The following SLIT3 variants were observed in gnomAD, a reference collection of about 807,000 sequenced individuals.
SLIT3 encodes slit guidance ligand 3.
A neutral mutation model predicts 184.0 loss-of-function variants in SLIT3; 68 were observed. The ratio of observed to expected loss-of-function variants is 0.37; its 90% CI spans 0.30 to 0.45. The LOEUF is 0.45. Ranked by LOEUF, SLIT3 falls within the 20% of genes least tolerant of loss-of-function variation. The pLI is 1.00. For synonymous variants in SLIT3, 831 were observed against 828.6 expected (o/e 1.00, Z -0.05); for missense variants, 1,707 against 2,026.0 (o/e 0.84, Z 3.02).
intron 29 of SLIT3, among the ~76,000 whole-genome samples, chr5:168,692,393 T>C (rs565331202): frequency 1.2e-3 from 186 of 152,282 alleles, no homozygotes; most frequent in South Asian, 2.1e-3. Context: ...TACCTACCTG[T>C]CTATCTACAG....
At chr5:169,098,502 T>C (rs1469631785) in intron 4 of SLIT3, among the ~76,000 whole-genome samples, 3 of 152,190 alleles carry the variant, frequency 2.0e-5, no homozygotes, top group East Asian at 3.9e-4. Flanking sequence ...CTCCATTTTA[T>C]CAGTGGGATC....
chr5:169,273,595 T>G (rs1314569164), intron 1 of SLIT3, among the ~76,000 whole-genome samples: 3 of 152,180 alleles, frequency 2.0e-5, no homozygotes, highest in Admixed American at 1.3e-4. Context: ...ATTCATACTA[T>G]TTTAAAGGCC....
chr5:168,734,842 T>A (rs1254544978), intron 20 of SLIT3, among the ~76,000 whole-genome samples: 1 of 152,178 alleles, frequency 6.6e-6, no homozygotes, highest in Non-Finnish European at 1.5e-5. Context: ...ATCTGTGTGA[T>A]GAAAACCCCT....
At chr5:168,984,548 G>A (rs1188202958) in intron 4 of SLIT3, among the ~76,000 whole-genome samples, 1 of 152,152 alleles carries the variant, frequency 6.6e-6, no homozygotes, top group Non-Finnish European at 1.5e-5. Flanking sequence ...ACAGGGGAAA[G>A]CTTTTTCCAG....
intron 20 of SLIT3, among the ~76,000 whole-genome samples, chr5:168,736,897 A>G (rs964010153): frequency 2.6e-5 from 4 of 152,200 alleles, no homozygotes; most frequent in Admixed American, 6.5e-5. Flanking sequence ...GATCGTCAAA[A>G]ATTATTCAAC....
chr5:169,072,962 TCA>T (rs1394816038), intron 4 of SLIT3, among the ~76,000 whole-genome samples: 4 of 152,178 alleles, frequency 2.6e-5, no homozygotes, highest in African/African-American at 9.7e-5. Flanking sequence ...CCAGCCTACC[TCA>T]AATATGTGGG....
chr5:168,794,769 T>A (rs1581090184), intron 10 of SLIT3, among the ~76,000 whole-genome samples: 1 of 152,186 alleles, frequency 6.6e-6, no homozygotes, highest in Non-Finnish European at 1.5e-5. Context: ...TTCCACTCTT[T>A]GCTATTCCAC....
At chr5:169,000,392 C>CAAAAAAAAA (rs34002967) in intron 4 of SLIT3, among the ~76,000 whole-genome samples, 10 of 42,318 alleles carry the variant, frequency 2.4e-4, no homozygotes, top group African/African-American at 4.0e-4. Flanking sequence ...AACTCCATCT[C>CAAAAAAAAA]AAAAAAAAAA....
intron 3 of SLIT3, among the ~76,000 whole-genome samples, chr5:169,208,954 T>C (rs1764163870): frequency 6.6e-6 from 1 of 152,102 alleles, no homozygotes; most frequent in South Asian, 2.1e-4. Flanking sequence ...AATTGACAAA[T>C]GGGATCTAAT....
At chr5:169,032,080 C>G (rs1757045967) in intron 4 of SLIT3, among the ~76,000 whole-genome samples, 1 of 152,134 alleles carries the variant, frequency 6.6e-6, no homozygotes, top group Non-Finnish European at 1.5e-5. Context: ...ACCCCTCTGG[C>G]CCTCATTTTC....
intron 4 of SLIT3, among the ~76,000 whole-genome samples, chr5:169,053,026 C>A (rs1316953929): frequency 2.0e-5 from 3 of 152,178 alleles, no homozygotes; most frequent in African/African-American, 7.2e-5. Context: ...ACCGGATGAA[C>A]CACATCAGAA....
intron 12 of SLIT3, among the ~76,000 whole-genome samples, chr5:168,780,889 C>T (rs1379779245): frequency 6.6e-6 from 1 of 152,192 alleles, no homozygotes; most frequent in African/African-American, 2.4e-5. Flanking sequence ...AACCCAATGA[C>T]AGCTGATGCC....
chr5:168,890,940 G>C (rs528544494), intron 4 of SLIT3, among the ~76,000 whole-genome samples: 1 of 152,322 alleles, frequency 6.6e-6, no homozygotes, highest in East Asian at 1.9e-4. Flanking sequence ...CGGATTAGGT[G>C]CTAAGTTCAC....
chr5:169,184,472 C>T (rs996075952), intron 4 of SLIT3, among the ~76,000 whole-genome samples: 3 of 152,204 alleles, frequency 2.0e-5, no homozygotes, highest in Admixed American at 2.0e-4. Flanking sequence ...CATAAGGTAC[C>T]TAGCACACAT....
chr5:168,733,536 C>A (rs533117786), intron 20 of SLIT3, among the ~76,000 whole-genome samples: 1 of 152,100 alleles, frequency 6.6e-6, no homozygotes, highest in Admixed American at 6.6e-5. Flanking sequence ...ACGGAATCAA[C>A]CTCAATGTCC....
chr5:169,027,816 A>G (rs1252322657), intron 4 of SLIT3, among the ~76,000 whole-genome samples: 1 of 152,180 alleles, frequency 6.6e-6, no homozygotes, highest in East Asian at 1.9e-4. Flanking sequence ...TTTGACTCCA[A>G]ACCTAAACAG....
chr5:169,024,478 A>G (rs1756736207), intron 4 of SLIT3: 1 of 152,060 alleles, frequency 6.6e-6, no homozygotes, highest in Admixed American at 6.5e-5. Flanking sequence ...GTGCAGGTAC[A>G]TTTTTCCTGC....
intron 4 of SLIT3, among the ~76,000 whole-genome samples, chr5:168,957,181 A>T (rs187633214): frequency 6.7e-6 from 1 of 148,858 alleles, no homozygotes; most frequent in Admixed American, 6.7e-5. Flanking sequence ...GTGACCTGAG[A>T]TGGTGCCACT....
chr5:168,868,450 C>G (rs954744945), intron 5 of SLIT3, among the ~76,000 whole-genome samples: 3 of 152,120 alleles, frequency 2.0e-5, no homozygotes, highest in African/African-American at 7.2e-5. Flanking sequence ...TTAACTTTCA[C>G]GTTAAAAATT....
Sources: gnomAD v4.1 joint callset for allele counts (sites outside exome capture counted in the v4.1 genomes callset) on GRCh38, gnomAD v4.1.1 for gene constraint, MANE v1.5 for transcripts, NCBI Gene and HGNC (gene_info 2026-07-23, HGNC 2026-07-21) for gene names.